NCOA3: variants seen among roughly 807,000 people sequenced by gnomAD.
The protein encoded by NCOA3 is nuclear receptor coactivator 3, also known as CBP-interacting protein.
In NCOA3, 51 loss-of-function variants were observed where a neutral mutation model predicts 158.8. The observed-to-expected ratio is 0.32, with a 90% CI of 0.26 to 0.41. The LOEUF (loss-of-function observed/expected upper bound fraction) is 0.41. NCOA3 is among the 10% of genes least tolerant of loss of function. The pLI is 1.00. For missense variants in NCOA3, 1,510 were observed against 1,746.6 expected, an observed-to-expected ratio of 0.86 and a Z score of 2.41; for synonymous variants, 537 against 592.4, an observed-to-expected ratio of 0.91 and a Z score of 1.36.
At chr20:47,651,692 T>C (rs2146349742) in intron 20 of NCOA3, among the ~76,000 whole-genome samples, 1 of 151,344 alleles carries the variant, frequency 6.6e-6, no homozygotes, top group East Asian at 1.9e-4. Context: ...GAGATGGGGG[T>C]CTTGCTCTGT....
At chr20:47,545,977 A>C (rs1454141114) in intron 1 of NCOA3, among the ~76,000 whole-genome samples, 1 of 151,806 alleles carries the variant, frequency 6.6e-6, no homozygotes, top group African/African-American at 2.4e-5. Context: ...AACCTTCCAA[A>C]GTGTTGGGAT....
At chr20:47,565,789 A>G (rs772648468) in intron 1 of NCOA3, among the ~76,000 whole-genome samples, 16 of 152,160 alleles carry the variant, frequency 1.1e-4, no homozygotes, top group South Asian at 2.1e-4. Context: ...TGGGATTTGA[A>G]TCTTTTTTTC....
intron 17 of NCOA3, 40 bp from the exon 18 acceptor site, chr20:47,647,033 A>T: frequency 6.4e-7 from 1 of 1,566,414 alleles, no homozygotes; most frequent in Non-Finnish European, 8.7e-7. Context: ...TGTTGCTTTC[A>T]TAGATGTTCT....
At chr20:47,603,657 G>T (rs923586966) in intron 2 of NCOA3, among the ~76,000 whole-genome samples, 1 of 152,234 alleles carries the variant, frequency 6.6e-6, no homozygotes, top group African/African-American at 2.4e-5. Context: ...GATGGATGAG[G>T]AGCTGGAAAG....
At chr20:47,588,678 TC>T (rs950902190) in intron 2 of NCOA3, among the ~76,000 whole-genome samples, 75 of 152,316 alleles carry the variant, frequency 4.9e-4, no homozygotes, top group African/African-American at 1.7e-3. Flanking sequence ...TTAAATGTTT[TC>T]TGTCTTATCC....
chr20:47,568,026 A>G (rs1397937662), intron 1 of NCOA3, among the ~76,000 whole-genome samples: 1 of 152,180 alleles, frequency 6.6e-6, no homozygotes, highest in Non-Finnish European at 1.5e-5. Context: ...TTTGTTAAAA[A>G]CAACTCTGGC....
intron 1 of NCOA3, among the ~76,000 whole-genome samples, chr20:47,549,537 G>T (rs1285155029): frequency 2.1e-5 from 3 of 141,684 alleles, no homozygotes; most frequent in Non-Finnish European, 3.0e-5. Context: ...TCCATCCTGG[G>T]CAACAGAGCG....
chr20:47,511,324 T>G (rs1348073585), intron 1 of NCOA3, among the ~76,000 whole-genome samples: 1 of 148,166 alleles, frequency 6.7e-6, no homozygotes, highest in Non-Finnish European at 1.5e-5. Flanking sequence ...CATGGTTCAC[T>G]GCAGCCTTGA....
At chr20:47,622,426 T>G in intron 3 of NCOA3, 96 bp downstream of exon 3, 1 of 836,538 alleles carries the variant, frequency 1.2e-6, no homozygotes, top group Non-Finnish European at 1.8e-6. Context: ...TCTGGTTAGA[T>G]TTTTTGGTGG....
At chr20:47,563,812 C>G (rs2085146705) in intron 1 of NCOA3, among the ~76,000 whole-genome samples, 2 of 149,492 alleles carry the variant, frequency 1.3e-5, no homozygotes, top group South Asian at 4.2e-4. Context: ...TCTCTTGAAC[C>G]TGGGAGGCGG....
chr20:47,608,047 C>T (rs767159205), intron 2 of NCOA3, among the ~76,000 whole-genome samples: 3 of 152,144 alleles, frequency 2.0e-5, no homozygotes, highest in East Asian at 1.9e-4. Flanking sequence ...TATAGTGGCT[C>T]ATGCCTGTAA....
chr20:47,637,890 C>A, intron 13 of NCOA3, 107 bp downstream of exon 13: 1 of 1,000,534 alleles, frequency 1.0e-6, no homozygotes, highest in Non-Finnish European at 1.4e-6. Context: ...TTTATAACTT[C>A]AGAACATATA....
At chr20:47,517,660 AG>A (rs1296392993) in intron 1 of NCOA3, among the ~76,000 whole-genome samples, 2 of 152,070 alleles carry the variant, frequency 1.3e-5, no homozygotes, top group Non-Finnish European at 2.9e-5. Context: ...CATGTTGGCC[AG>A]GCTGTTCTCG....
chr20:47,604,343 T>C (rs184037904), intron 2 of NCOA3, among the ~76,000 whole-genome samples: 115 of 152,344 alleles, frequency 7.5e-4, no homozygotes, highest in Non-Finnish European at 1.4e-3. Context: ...CTGTGTTCTT[T>C]TCCCCTCTTC....
At position 47,653,547 on chromosome 20, in the gene NCOA3, AT is replaced by A; in HGVS notation, c.*134del. On this transcript the variant is annotated 3_prime_UTR_variant, in exon 23 of 23. Transcript: ENST00000371998. The stretch of plus-strand genomic sequence containing the variant: ...ACCAGCTTTGAGCTCCATCAAGGGT[AT>A]TTTAAGTGATGTCATTTGAGCAGGA... 1 of 1,071,604 alleles carries A rather than the reference AT, an allele frequency of 9.3e-7. No individual in the cohort carries two copies. The highest frequency in any genetic ancestry group is 1.4e-6 in the Non-Finnish European group (1 of 718,010). The allele number at this position is 1,071,604 out of a possible 1,614,324, so 66.4% of individuals were successfully genotyped here. A position where few individuals can be genotyped will look rare whatever the true frequency, so the allele number is the denominator to read the frequency against.
chr20:47,628,167 T>C, intron 8 of NCOA3, 144 bp downstream of exon 8: 1 of 493,856 alleles, frequency 2.0e-6, no homozygotes, highest in East Asian at 3.0e-5. Context: ...TGTATCTTTT[T>C]TCATGTTGCT....
intron 17 of NCOA3, among the ~76,000 whole-genome samples, chr20:47,645,739 G>C (rs1476508540): frequency 6.6e-6 from 1 of 152,152 alleles, no homozygotes; most frequent in Non-Finnish European, 1.5e-5. Context: ...GCATGATGGT[G>C]TGTGCCTGTA....
intron 16 of NCOA3, 136 bp downstream of exon 16, chr20:47,640,187 C>T: frequency 8.8e-7 from 1 of 1,137,068 alleles, no homozygotes; most frequent in Non-Finnish European, 1.3e-6. Flanking sequence ...CTGGGCATTT[C>T]TCGTGTAACT....
intron 1 of NCOA3, among the ~76,000 whole-genome samples, chr20:47,523,478 A>C (rs1274226912): frequency 2.6e-5 from 4 of 152,174 alleles, no homozygotes; most frequent in East Asian, 3.8e-4. Context: ...AGTATTAACT[A>C]TACGGGGTCC....
Sources: gnomAD v4.1 joint callset for allele counts (sites outside exome capture counted in the v4.1 genomes callset) on GRCh38, gnomAD v4.1.1 for gene constraint, MANE v1.5 for transcripts, NCBI Gene and HGNC (gene_info 2026-07-23, HGNC 2026-07-21) for gene names.